Variants in SCTR observed in about 807,000 individuals in gnomAD.
The protein encoded by SCTR is secretin receptor, also known as pancreatic secretin receptor.
A neutral mutation model predicts 60.8 loss-of-function variants in SCTR; 56 were observed. The observed-to-expected ratio is 0.92, with a 90% CI of 0.74 to 1.15. The LOEUF (loss-of-function observed/expected upper bound fraction) is 1.15. SCTR is among the 50% of genes most tolerant of loss of function. SCTR has a pLI of 0.00. For synonymous variants in SCTR, 202 were observed against 217.0 expected (o/e 0.93, Z 0.61); for missense variants, 562 against 550.4 (o/e 1.02, Z -0.21).
At position 119,522,750 on chromosome 2, in the gene SCTR, G is replaced by T. The variant is rs1679326614; in HGVS notation, c.72+1405C>A. ...GGAGGGTCCCAAGGAAGGAGCTATT[G>T]CCTCTCCCACCCCCAGCCACGGAAT... On this transcript the variant is annotated intron_variant, in intron 1 of 12. Coordinates refer to ENST00000019103, the MANE Select transcript of SCTR (RefSeq NM_002980.3). Among the ~76,000 whole-genome samples the T allele has an allele frequency of 3.9e-5, 6 of 152,154 alleles. No homozygotes were observed. In the South Asian group the frequency reaches 1.2e-3, roughly 32 times the overall value.
At chr2:119,440,375 C>A in intron 12 of SCTR, 118 bp from the exon 13 acceptor site, 1 of 1,190,142 alleles carries the variant, frequency 8.4e-7, no homozygotes. Flanking sequence ...TGCCCTGTCC[C>A]CTAGCCTGCA....
intron 4 of SCTR, 122 bp downstream of exon 4, chr2:119,473,331 C>T: frequency 1.5e-6 from 1 of 668,912 alleles, no homozygotes; most frequent in Admixed American, 2.5e-5. Context: ...GTAGCCCTTA[C>T]ATCCTGACCA....
chr2:119,448,680 T>C lies in SCTR; in HGVS notation c.1013+9A>G, dbSNP rs1437066099. The stretch of plus-strand genomic sequence containing the variant: ...ACTGACCATGCCTCAGTCTTTGCCC[T>C]TCACTTACTTATAATGGCTGACTTC... On this transcript the variant is annotated intron_variant, in intron 10 of 12. Coordinates refer to ENST00000019103, the MANE Select transcript of SCTR (RefSeq NM_002980.3). The C allele has an allele frequency of 1.3e-6, 2 of 1,502,282 alleles. No individual in the cohort carries two copies. The highest frequency in any genetic ancestry group is 1.4e-5 in the African/African-American group (1 of 72,730). The allele number at this position is 1,502,282 out of a possible 1,614,324, so 93.1% of individuals were successfully genotyped here. A position where few individuals can be genotyped will look rare whatever the true frequency, so the allele number is the denominator to read the frequency against.
In SCTR at chr2:119,446,736, C is replaced by T. The variant is rs375629261; in HGVS notation, c.1140+23G>A. The T allele has an allele frequency of 9.5e-6, 14 of 1,471,338 alleles. No individual in the cohort carries two copies. The African/African-American group carries it at 1.6e-4, about 17-fold the overall frequency. The allele number at this position is 1,471,338 out of a possible 1,614,324, so 91.1% of individuals were successfully genotyped here. On this transcript the variant is annotated intron_variant, in intron 11 of 12. Transcript: ENST00000019103. Reference sequence around the variant, plus strand: ...ACAGAGAACTCCTCTTTTCAGCTGGCAGCCCCAGTCCTGGAAACTTACCTG... The same window carrying T: ...ACAGAGAACTCCTCTTTTCAGCTGGTAGCCCCAGTCCTGGAAACTTACCTG...
chr2:119,523,658 C>A (rs532878788), intron 1 of SCTR, among the ~76,000 whole-genome samples: 90 of 152,132 alleles, frequency 5.9e-4, no homozygotes, highest in Admixed American at 2.4e-3. Context: ...TGGGGGCAGA[C>A]TGATACTGAT....
chr2:119,512,641 CCCT>C (rs1678994063), intron 1 of SCTR, among the ~76,000 whole-genome samples: 1 of 152,190 alleles, frequency 6.6e-6, no homozygotes, highest in Non-Finnish European at 1.5e-5. Flanking sequence ...AGGTGATCAA[CCCT>C]CCTCAGCCTC....
chr2:119,505,123 G>A (rs866412445), intron 1 of SCTR, among the ~76,000 whole-genome samples: 2 of 152,102 alleles, frequency 1.3e-5, no homozygotes, highest in South Asian at 2.1e-4. Context: ...TCAGTGTGGC[G>A]ATTCCTCAGG....
intron 1 of SCTR, among the ~76,000 whole-genome samples, chr2:119,504,484 G>A (rs1200954855): frequency 6.6e-6 from 1 of 152,060 alleles, no homozygotes; most frequent in Non-Finnish European, 1.5e-5. Flanking sequence ...CCAGCTACTA[G>A]GGAGGCTGAG....
chr2:119,498,287 T>C (rs1416035276), intron 1 of SCTR, among the ~76,000 whole-genome samples: 2 of 152,112 alleles, frequency 1.3e-5, no homozygotes, highest in African/African-American at 4.8e-5. Flanking sequence ...CCTCCAGGAA[T>C]GAAGGGGAAA....
At chr2:119,487,953 C>T (rs983593355) in intron 2 of SCTR, among the ~76,000 whole-genome samples, 2 of 152,120 alleles carry the variant, frequency 1.3e-5, no homozygotes, top group African/African-American at 4.8e-5. Context: ...CTGGGAGAGG[C>T]CCCCTGGACA....
rs116159142 is a variant in SCTR at position 119,500,843 on chromosome 2, C to A, written c.73-6295G>T. Among the ~76,000 whole-genome samples the A allele has an allele frequency of 1.3e-3, 197 of 152,214 alleles. 1 individual carries two copies. The highest frequency in any genetic ancestry group is 4.4e-3 in the African/African-American group (184 of 41,542). On this transcript the variant is annotated intron_variant, in intron 1 of 12. Transcript: ENST00000019103. Reference sequence around the variant, plus strand: ...TAGGGTGACTATAGTTTAAAATAATCTGTTGTATATTTCAAAATAGCTAGA... The same window carrying A: ...TAGGGTGACTATAGTTTAAAATAATATGTTGTATATTTCAAAATAGCTAGA...
At chr2:119,484,100 A>G (rs867368637) in intron 2 of SCTR, among the ~76,000 whole-genome samples, 3 of 152,270 alleles carry the variant, frequency 2.0e-5, no homozygotes, top group African/African-American at 7.2e-5. Context: ...AGAGCAGCAC[A>G]GCTCACTGCC....
chr2:119,498,589 G>A (rs1021281582), intron 1 of SCTR, among the ~76,000 whole-genome samples: 7 of 151,968 alleles, frequency 4.6e-5, no homozygotes, highest in African/African-American at 1.2e-4. Context: ...TTACAAATGC[G>A]GGATGATAAA....
At chr2:119,456,996 C>T (rs1367819480) in intron 7 of SCTR, among the ~76,000 whole-genome samples, 1 of 152,164 alleles carries the variant, frequency 6.6e-6, no homozygotes, top group Non-Finnish European at 1.5e-5. Context: ...ACCAACCCTG[C>T]CAACGCGTTG....
chr2:119,513,192 T>C (rs1233813120), intron 1 of SCTR, among the ~76,000 whole-genome samples: 2 of 152,266 alleles, frequency 1.3e-5, no homozygotes, highest in East Asian at 3.8e-4. Context: ...GCATTGAGGT[T>C]ATTCTTTCCA....
At chr2:119,485,660 T>A (rs973550302) in intron 2 of SCTR, among the ~76,000 whole-genome samples, 3 of 152,200 alleles carry the variant, frequency 2.0e-5, no homozygotes, top group Non-Finnish European at 4.4e-5. Flanking sequence ...TGGTGCTCAC[T>A]TCATCGGCTG....
At chr2:119,441,068 G>A (rs1352723822) in intron 12 of SCTR, among the ~76,000 whole-genome samples, 2 of 152,194 alleles carry the variant, frequency 1.3e-5, no homozygotes, top group Non-Finnish European at 2.9e-5. Flanking sequence ...AGTCTCCCAA[G>A]GAGTCAGTGC....
In SCTR at chr2:119,450,777, C is replaced by A. The variant is rs1348013426; in HGVS notation, c.921+1233G>T. On this transcript the variant is annotated intron_variant, in intron 9 of 12. Transcript: ENST00000019103. ...TCGAGTCCAGGAATTCAAGACCAGC[C>A]TGGGCAACACAGTGAAAGCTCATCT... Among the ~76,000 whole-genome samples the A allele has an allele frequency of 2.0e-5, 3 of 152,066 alleles. No homozygotes were observed. In the South Asian group the frequency reaches 6.2e-4, roughly 32 times the overall value.
intron 1 of SCTR, among the ~76,000 whole-genome samples, chr2:119,504,915 TG>T (rs1678682652): frequency 1.3e-5 from 2 of 151,942 alleles, no homozygotes; most frequent in Non-Finnish European, 2.9e-5. Flanking sequence ...GCAAAAGACA[TG>T]AAGAGATAGT....
Sources: gnomAD v4.1 joint callset for allele counts (sites outside exome capture counted in the v4.1 genomes callset) on GRCh38, gnomAD v4.1.1 for gene constraint, MANE v1.5 for transcripts, NCBI Gene and HGNC (gene_info 2026-07-23, HGNC 2026-07-21) for gene names.